The following RALGAPA2 variants were observed in gnomAD, a reference collection of about 807,000 sequenced individuals.
RALGAPA2 encodes the protein ral GTPase-activating protein subunit alpha-2.
In RALGAPA2, 139 loss-of-function variants were observed where a neutral mutation model predicts 230.4. The ratio of observed to expected loss-of-function variants is 0.60; its 90% confidence interval spans 0.53 to 0.69. The LOEUF is 0.69. Among genes scored for constraint, RALGAPA2 ranks in the 30% least tolerant of loss-of-function variants. RALGAPA2 has a pLI of 0.00. For synonymous variants in RALGAPA2, 847 were observed against 837.8 expected (o/e 1.01, Z -0.19); for missense variants, 2,163 against 2,276.0 (o/e 0.95, Z 1.01).
At chr20:20,399,115 C>T (rs1428497346) in intron 38 of RALGAPA2, among the ~76,000 whole-genome samples, 1 of 152,214 alleles carries the variant, frequency 6.6e-6, no homozygotes, top group African/African-American at 2.4e-5. Context: ...GAGGCCAAGG[C>T]GGGTGGATCA....
chr20:20,693,703 C>T (rs1198561001), intron 1 of RALGAPA2, among the ~76,000 whole-genome samples: 1 of 152,220 alleles, frequency 6.6e-6, no homozygotes, highest in African/African-American at 2.4e-5. Flanking sequence ...CCAACAACCA[C>T]AGGATGGTGG....
chr20:20,511,435 C>G, intron 32 of RALGAPA2, 110 bp from the exon 33 acceptor site: 2 of 1,423,914 alleles, frequency 1.4e-6, no homozygotes, highest in Non-Finnish European at 1.8e-6. Flanking sequence ...TACCACCTCA[C>G]TCACAAAAGA....
At chr20:20,589,015 T>C (rs890645008) in intron 18 of RALGAPA2, among the ~76,000 whole-genome samples, 1 of 152,206 alleles carries the variant, frequency 6.6e-6, no homozygotes, top group African/African-American at 2.4e-5. Context: ...TGCTTAAAAA[T>C]ACACAGTGCC....
At chr20:20,691,393 G>A (rs1341761192) in intron 1 of RALGAPA2, among the ~76,000 whole-genome samples, 3 of 152,098 alleles carry the variant, frequency 2.0e-5, no homozygotes, top group East Asian at 3.9e-4. Flanking sequence ...CCCAGTCTCA[G>A]TTTCAACCTG....
chr20:20,524,933 A>G, intron 28 of RALGAPA2, 35 bp from the exon 29 acceptor site: 1 of 1,560,752 alleles, frequency 6.4e-7, no homozygotes, highest in Non-Finnish European at 8.7e-7. Flanking sequence ...CAAACAGACC[A>G]TATTTGTAAG....
chr20:20,438,351 TGCATTTGCTTTAGAAA>T (rs1345725920), intron 37 of RALGAPA2, among the ~76,000 whole-genome samples: 2 of 152,254 alleles, frequency 1.3e-5, no homozygotes, highest in African/African-American at 4.8e-5. Flanking sequence ...TTACTATATA[TGCATTTGCTTTAGAAA>T]GCATTTCACT....
chr20:20,599,720 C>T (rs2146189931), intron 16 of RALGAPA2, among the ~76,000 whole-genome samples: 2 of 152,290 alleles, frequency 1.3e-5, no homozygotes, highest in East Asian at 1.9e-4. Flanking sequence ...AGCCTGTAAT[C>T]CCAACACTTT....
chr20:20,676,882 C>T (rs1302700964), intron 2 of RALGAPA2, among the ~76,000 whole-genome samples: 2 of 152,158 alleles, frequency 1.3e-5, no homozygotes, highest in Non-Finnish European at 2.9e-5. Context: ...GCTTTGCAGG[C>T]CTCTCTTACA....
chr20:20,396,878 A>G, intron 38 of RALGAPA2, 144 bp from the exon 39 acceptor site: 1 of 694,690 alleles, frequency 1.4e-6, no homozygotes, highest in Non-Finnish European at 2.5e-6. Flanking sequence ...TAAAAACTGA[A>G]CATTCACTTG....
chr20:20,631,916 TCC>T (rs1016498417), intron 9 of RALGAPA2, among the ~76,000 whole-genome samples: 19 of 151,882 alleles, frequency 1.3e-4, no homozygotes, highest in Admixed American at 1.3e-4. Flanking sequence ...GTGTGCCTCC[TCC>T]CATGCACCTC....
chr20:20,614,689 T>C (rs1222275156), intron 13 of RALGAPA2, among the ~76,000 whole-genome samples: 1 of 152,234 alleles, frequency 6.6e-6, no homozygotes, highest in Non-Finnish European at 1.5e-5. Flanking sequence ...ACCAAGATTC[T>C]TGAGTCCACC....
intron 4 of RALGAPA2, among the ~76,000 whole-genome samples, chr20:20,650,478 G>A (rs546174409): frequency 2.0e-5 from 3 of 152,262 alleles, no homozygotes; most frequent in African/African-American, 7.2e-5. Flanking sequence ...GAAGCATACC[G>A]CATCAGTGGT....
At chr20:20,618,866 T>C (rs2066234576) in intron 12 of RALGAPA2, among the ~76,000 whole-genome samples, 1 of 152,254 alleles carries the variant, frequency 6.6e-6, no homozygotes, top group Admixed American at 6.5e-5. Flanking sequence ...CATTGTTCTT[T>C]GTAAACACAG....
intron 24 of RALGAPA2, among the ~76,000 whole-genome samples, chr20:20,538,066 G>A (rs537753021): frequency 3.3e-5 from 5 of 152,322 alleles, no homozygotes; most frequent in South Asian, 2.1e-4. Flanking sequence ...TCAGAGAGAT[G>A]AGGCGCAGTA....
intron 1 of RALGAPA2, among the ~76,000 whole-genome samples, chr20:20,700,608 G>A (rs1415395896): frequency 6.6e-6 from 1 of 152,162 alleles, no homozygotes; most frequent in Non-Finnish European, 1.5e-5. Context: ...ACTATCTGGG[G>A]AATTTGCCTA....
At chr20:20,459,405 A>G (rs1477918139) in intron 37 of RALGAPA2, among the ~76,000 whole-genome samples, 1 of 150,700 alleles carries the variant, frequency 6.6e-6, no homozygotes, top group Non-Finnish European at 1.5e-5. Flanking sequence ...ACTGAATGGC[A>G]TGCTTAAGAG....
intron 20 of RALGAPA2, among the ~76,000 whole-genome samples, chr20:20,578,439 G>A (rs952512705): frequency 6.6e-6 from 1 of 152,076 alleles, no homozygotes; most frequent in Non-Finnish European, 1.5e-5. Flanking sequence ...CTATACGGGT[G>A]TTTAAAATTT....
chr20:20,465,244 C>T (rs1207852182), intron 37 of RALGAPA2, among the ~76,000 whole-genome samples: 1 of 150,084 alleles, frequency 6.7e-6, no homozygotes, highest in Admixed American at 6.7e-5. Context: ...AAGGCCCCCA[C>T]TGGGAAAGCC....
At chr20:20,640,947 C>G (rs1300894310) in intron 5 of RALGAPA2, 69 bp from the exon 6 acceptor site, 2 of 1,358,088 alleles carry the variant, frequency 1.5e-6, no homozygotes, top group African/African-American at 1.5e-5. Context: ...AATGTAGCAT[C>G]GGTCTTGAGA....
Sources: allele counts gnomAD v4.1 joint callset (sites outside exome capture counted in the v4.1 genomes callset), GRCh38; gene constraint gnomAD v4.1.1; transcripts MANE v1.5; gene names NCBI Gene and HGNC (gene_info 2026-07-23, HGNC 2026-07-21).